The following ISL2 variants were observed in gnomAD, a reference collection of about 807,000 sequenced individuals.
ISL2 encodes the protein insulin gene enhancer protein ISL-2.
ISL2 carries 17 observed loss-of-function variants against 34.6 expected under a neutral mutation model. The ratio of observed to expected loss-of-function variants is 0.49; its 90% CI spans 0.34 to 0.74. The LOEUF (loss-of-function observed/expected upper bound fraction) is 0.74, where lower values mean the gene tolerates loss of function less well. Ranked by LOEUF, ISL2 falls within the 30% of genes least tolerant of loss-of-function variation. The pLI is 0.01. For missense variants in ISL2, 469 were observed against 515.2 expected, an observed-to-expected ratio of 0.91 and a Z score of 0.87; for synonymous variants, 232 against 225.5, an observed-to-expected ratio of 1.03 and a Z score of -0.26.
rs2040152543 is a variant in ISL2 at position 76,336,785 on chromosome 15, C to T, written c.-99C>T. 9.6e-7 allele frequency: 1 copy of T among 1,045,324 alleles called. No individual in the cohort carries two copies. The highest frequency in any genetic ancestry group is 1.3e-5 in the South Asian group (1 of 79,554). The allele number at this position is 1,045,324 out of a possible 1,614,324, so 64.8% of individuals were successfully genotyped here. A position where few individuals can be genotyped will look rare whatever the true frequency, so the allele number is the denominator to read the frequency against. ...GTGCGGAATCGCTCCTTCAACTCCG[C>T]GGGGCAGTAGGAGTTAGTTAGCAAA... On this transcript the variant is annotated 5_prime_UTR_variant, in exon 1 of 6. Coordinates refer to ENST00000290759, the MANE Select transcript of ISL2 (RefSeq NM_145805.3).
At chr15:76,339,831 TC>T in intron 3 of ISL2, 1 of 1,001,624 alleles carries the variant, frequency 1.0e-6, no homozygotes, top group East Asian at 1.1e-4. Flanking sequence ...TCCCACCCAG[TC>T]CCCTGGGCAG....
intron 3 of ISL2, chr15:76,339,795 T>C (rs2040180027): frequency 1.0e-6 from 1 of 994,590 alleles, no homozygotes; most frequent in South Asian, 4.5e-5. Context: ...GGAAGGGCCC[T>C]CGTAGGCCCC....
chr15:76,339,059 T>C, intron 3 of ISL2: 3 of 984,242 alleles, frequency 3.0e-6, no homozygotes, highest in Non-Finnish European at 3.6e-6. Flanking sequence ...GGAGGGGGAG[T>C]ATCAATGCAT....
Position 76,338,376 on chromosome 15 carries a change from C to T in ISL2, c.373C>T (p.Leu125=), listed in dbSNP as rs62028361. The T allele has an allele frequency of 0.082, 126,776 of 1,550,012 alleles. 5,508 individuals are homozygous for T. Among genetic ancestry groups the T allele is most frequent in the Middle Eastern group, 0.093 (534 of 5,724 alleles). Residue 125 remains leucine, a synonymous_variant, in exon 3 of 6, where the codon CTG becomes TTG. Transcript: ENST00000290759. ...CTGCTCCGTGTGCAGCCGCCAGCTG[C>T]TGCCTGGGGACGAGTTCTCGCTGCG... The part of the protein sequence containing the change: ...FRCSVCSRQL[L]PGDEFSLREH...
intron 3 of ISL2, chr15:76,339,682 C>A: frequency 2.0e-6 from 2 of 985,678 alleles, no homozygotes; most frequent in Non-Finnish European, 2.4e-6. Flanking sequence ...AGCCCAAGGG[C>A]GGGCAGGAAG....
In ISL2 at chr15:76,340,390, G is replaced by T; in HGVS notation, c.626G>T (p.Cys209Phe). ...AAGCAGCTGCACACTCTGCGGACCT[G>T]CTACGCCGCCAACCCGCGGCCCGAC... is the stretch of plus-strand genomic sequence containing the variant. ...NEKQLHTLRT[C>F]YAANPRPDAL... The change falls in exon 4 of 6, where the codon TGC becomes TTC. Residue 209 changes from cysteine to phenylalanine, a missense_variant. Cys to Phe is a radical substitution (Grantham distance 205). Around this residue, in one of 3 missense-constraint regions of ISL2, gnomAD observed 297 missense variants for 337.8 expected, o/e 0.88. Coordinates refer to ENST00000290759, the MANE Select transcript of ISL2 (RefSeq NM_145805.3). The T allele has an allele frequency of 6.2e-7, 1 of 1,613,674 alleles. No individual in the cohort carries two copies.
At position 76,341,107 on chromosome 15, in the gene ISL2, A is replaced by C. The variant is rs768996146; in HGVS notation, c.796-27A>C. ...AGAAAAGGCCAGACCTAACTCGAGC[A>C]CCTACTGCCTTCTGCTTGCCCCGCA... On this transcript the variant is annotated intron_variant, in intron 4 of 5. Coordinates refer to ENST00000290759, the MANE Select transcript of ISL2 (RefSeq NM_145805.3). 3.9e-6 allele frequency: 6 copies of C among 1,528,642 alleles called. No homozygotes were observed. In the East Asian group the frequency reaches 1.1e-4, roughly 29 times the overall value. The allele number at this position is 1,528,642 out of a possible 1,614,324, so 94.7% of individuals were successfully genotyped here.
At chr15:76,340,915 C>T (rs2040188398) in intron 4 of ISL2, among the ~76,000 whole-genome samples, 1 of 152,246 alleles carries the variant, frequency 6.6e-6, no homozygotes, top group African/African-American at 2.4e-5. Flanking sequence ...CCTCACCGGG[C>T]GGTTGGCTTC....
In ISL2 at chr15:76,338,523, G is replaced by T. The variant is rs2040169808; in HGVS notation, c.511+9G>T. The T allele has an allele frequency of 1.5e-6, 2 of 1,301,478 alleles. No individual in the cohort carries two copies. Among genetic ancestry groups the T allele is most frequent in the Admixed American group, 3.1e-5 (1 of 31,854 alleles). The allele number at this position is 1,301,478 out of a possible 1,614,324, so 80.6% of individuals were successfully genotyped here. A position where few individuals can be genotyped will look rare whatever the true frequency, so the allele number is the denominator to read the frequency against. On this transcript the variant is annotated intron_variant, in intron 3 of 5. Coordinates refer to ENST00000290759, the MANE Select transcript of ISL2 (RefSeq NM_145805.3). ...CGGCCTGCATCTGCCCGGTAAGCGC[G>T]CCGGGGCCTGTGCCGGGGTGAGCGG...
At position 76,340,426 on chromosome 15, in the gene ISL2, AG is replaced by A. The variant is rs772182332; in HGVS notation, c.664del (p.Glu222SerfsTer6). 6.2e-7 allele frequency: 1 copy of A among 1,613,796 alleles called. No homozygotes were observed. The highest frequency in any genetic ancestry group is 1.1e-5 in the South Asian group (1 of 91,086). The stretch of plus-strand genomic sequence containing the variant: ...AACCCGCGGCCCGACGCTCTCATGA[AG>A]GAGCAGCTGGTGGAGATGACCGGCC... ...AANPRPDALM[K>X]EQLVEMTGLS... is the part of the protein sequence containing the mutation. On this transcript the variant is annotated frameshift_variant, in exon 4 of 6. Transcript: ENST00000290759. LOFTEE classifies it high-confidence loss of function.
intron 3 of ISL2, chr15:76,339,907 C>T (rs2040180792): frequency 4.7e-6 from 5 of 1,070,578 alleles, no homozygotes; most frequent in Admixed American, 4.9e-5. Flanking sequence ...CCTCTTTCCT[C>T]TTCCTCTGAA....
chr15:76,337,722 G>A lies in ISL2; in HGVS notation c.59-56G>A, dbSNP rs115523289. ...TTGGGTTGGGGCTGGAGTAGCCGAG[G>A]CCGGCCTGGGTCCGGGCAGTCAGGC... On this transcript the variant is annotated intron_variant, in intron 1 of 5. Transcript: ENST00000290759. 7.2e-3 allele frequency: 10,591 copies of A among 1,466,610 alleles called. 455 individuals carry two copies. In the African/African-American group the frequency reaches 0.11, roughly 15 times the overall value. The allele number at this position is 1,466,610 out of a possible 1,614,324, so 90.8% of individuals were successfully genotyped here.
intron 3 of ISL2, chr15:76,339,962 C>A: frequency 8.5e-7 from 1 of 1,181,712 alleles, no homozygotes; most frequent in Non-Finnish European, 1.0e-6. Context: ...GAGGGTCCTG[C>A]GACTGGAGGA....
rs773495370 is a variant in ISL2, at chr15:76,340,565, CAGCCGCTG to C, written c.795+7_795+14del. On this transcript the variant is annotated splice_region_variant and intron_variant, in intron 4 of 5. Coordinates refer to ENST00000290759, the MANE Select transcript of ISL2 (RefSeq NM_145805.3). The stretch of plus-strand genomic sequence containing the variant: ...AGCAGCACAGCGACAAGACGGTGAG[CAGCCGCTG>C]GGCCGGAGGCTCGAGTCGGGTGGGG... The C allele has an allele frequency of 3.7e-6, 6 of 1,600,832 alleles. No homozygotes were observed. Among genetic ancestry groups the C allele is most frequent in the Middle Eastern group, 3.3e-4 (2 of 5,974 alleles).
At position 76,336,876 on chromosome 15, in the gene ISL2, T is replaced by C; in HGVS notation, c.-8T>C. The C allele has an allele frequency of 1.2e-6, 2 of 1,612,878 alleles. No homozygotes were observed. Among genetic ancestry groups the C allele is most frequent in the Non-Finnish European group, 1.7e-6 (2 of 1,178,854 alleles). ...GGCCGCACACTTTGCGCACATCTCT[T>C]TTTCTGCATGGTGGATATTATTTTT... On this transcript the variant is annotated 5_prime_UTR_variant, in exon 1 of 6. Coordinates refer to ENST00000290759, the MANE Select transcript of ISL2 (RefSeq NM_145805.3).
rs145221041 is a variant in ISL2 at position 76,338,340 on chromosome 15, G to C, written c.337G>C (p.Glu113Gln). ...MRARDSVYHI[E>Q]CFRCSVCSRQ... ...GGCGCGGGACAGCGTGTACCACATC[G>C]AGTGCTTCCGCTGCTCCGTGTGCAG... The change falls in exon 3 of 6, where the codon GAG becomes CAG. Residue 113 changes from glutamate (E) to glutamine (Q), a missense_variant. This residue lies in a region of ISL2 where 297 missense variants were observed against 337.8 expected (regional missense o/e 0.88). Transcript: ENST00000290759. 228 of 1,573,582 alleles carry C rather than the reference G, an allele frequency of 1.4e-4. No homozygotes were observed. The highest frequency in any genetic ancestry group is 1.8e-4 in the Non-Finnish European group (212 of 1,166,420).
chr15:76,340,192 G>C (rs2040182688), intron 3 of ISL2, 84 bp from the exon 4 acceptor site: 2 of 1,451,214 alleles, frequency 1.4e-6, no homozygotes, highest in Non-Finnish European at 9.0e-7. Flanking sequence ...TCGGGCCCCG[G>C]GGGGCTGGGC....
Position 76,338,239 on chromosome 15 carries a change from CT to C in ISL2, c.249-11del. The C allele has an allele frequency of 6.5e-7, 1 of 1,546,002 alleles. No homozygotes were observed. Among genetic ancestry groups the C allele is most frequent in the South Asian group, 1.2e-5 (1 of 84,772 alleles). ...AGGCCCAGCGCTGACACCGCCGCAC[CT>C]TGGGCCCGCAGGCTGTTCGGCATCA... On this transcript the variant is annotated splice_polypyrimidine_tract_variant and intron_variant, in intron 2 of 5. Transcript: ENST00000290759.
intron 2 of ISL2, 79 bp from the exon 3 acceptor site, chr15:76,338,173 C>G: frequency 6.8e-7 from 1 of 1,474,668 alleles, no homozygotes; most frequent in South Asian, 1.3e-5. Context: ...GTCCTGGGCG[C>G]GCGCCGGAGC....
Sources: allele counts gnomAD v4.1 joint callset (sites outside exome capture counted in the v4.1 genomes callset), GRCh38; gene constraint gnomAD v4.1.1; regional missense constraint gnomAD v4.1.1; transcripts MANE v1.5; gene names NCBI Gene and HGNC (gene_info 2026-07-23, HGNC 2026-07-21).